ZFPM2: variants seen among roughly 807,000 people sequenced by gnomAD.
ZFPM2 encodes the protein zinc finger protein, FOG family member 2, also known as zinc finger protein ZFPM2.
In ZFPM2, 20 loss-of-function variants were observed where a neutral mutation model predicts 98.6. That is an observed-to-expected ratio of 0.20 (90% CI 0.14 to 0.29). The LOEUF is 0.29. Among genes scored for constraint, ZFPM2 ranks in the 10% least tolerant of loss-of-function variants. The pLI is 1.00. For synonymous variants in ZFPM2, 518 were observed against 502.7 expected, an observed-to-expected ratio of 1.03 and a Z score of -0.41; for missense variants, 1,310 against 1,388.6, an observed-to-expected ratio of 0.94 and a Z score of 0.90.
chr8:105,618,414 ATTG>A (rs1816464479), intron 4 of ZFPM2, among the ~76,000 whole-genome samples: 1 of 152,130 alleles, frequency 6.6e-6, no homozygotes, highest in Admixed American at 6.6e-5. Context: ...CTTTCATAGA[ATTG>A]TTGTAAAAAT....
intron 4 of ZFPM2, among the ~76,000 whole-genome samples, chr8:105,605,920 A>T (rs944477298): frequency 6.6e-6 from 1 of 152,020 alleles, no homozygotes; most frequent in African/African-American, 2.4e-5. Flanking sequence ...ATCCTCTTCC[A>T]TCTGATGTTG....
At chr8:105,491,985 C>A (rs993769178) in intron 3 of ZFPM2, among the ~76,000 whole-genome samples, 63 of 152,090 alleles carry the variant, frequency 4.1e-4, no homozygotes, top group African/African-American at 1.4e-3. Context: ...GAATTCCAAG[C>A]TCAATTGCAA....
intron 3 of ZFPM2, among the ~76,000 whole-genome samples, chr8:105,504,267 G>T (rs1813653210): frequency 1.3e-5 from 2 of 152,148 alleles, no homozygotes. Flanking sequence ...CAGAGAATAT[G>T]GTTGACTGAG....
At chr8:105,588,378 A>G (rs1005053326) in intron 4 of ZFPM2, among the ~76,000 whole-genome samples, 5 of 152,184 alleles carry the variant, frequency 3.3e-5, no homozygotes, top group Admixed American at 3.3e-4. Flanking sequence ...TGCTTGGATG[A>G]CACAGAGAAT....
intron 3 of ZFPM2, among the ~76,000 whole-genome samples, chr8:105,475,684 G>C (rs1159272727): frequency 6.6e-6 from 1 of 152,114 alleles, no homozygotes; most frequent in Admixed American, 6.6e-5. Context: ...AAGTCTTTAG[G>C]GAATGGTTTT....
intron 5 of ZFPM2, among the ~76,000 whole-genome samples, chr8:105,781,854 T>TGAA (rs1381172224): frequency 6.6e-6 from 1 of 152,238 alleles, no homozygotes; most frequent in African/African-American, 2.4e-5. Context: ...CTTCATAAAT[T>TGAA]GAACCACCGT....
chr8:105,355,956 G>C (rs1401174367), intron 1 of ZFPM2, among the ~76,000 whole-genome samples: 1 of 152,110 alleles, frequency 6.6e-6, no homozygotes, highest in African/African-American at 2.4e-5. Context: ...TATAATACTG[G>C]GAAAAGATAA....
chr8:105,788,584 G>T, intron 5 of ZFPM2, 134 bp from the exon 6 acceptor site: 2 of 813,664 alleles, frequency 2.5e-6, no homozygotes, highest in Admixed American at 2.2e-5. Flanking sequence ...CACAGCTGTT[G>T]CCTTGATCAA....
chr8:105,348,308 G>A (rs1812577587), intron 1 of ZFPM2, among the ~76,000 whole-genome samples: 1 of 152,184 alleles, frequency 6.6e-6, no homozygotes, highest in Non-Finnish European at 1.5e-5. Flanking sequence ...AAGAAGCAGA[G>A]ACTTACAATC....
intron 3 of ZFPM2, among the ~76,000 whole-genome samples, chr8:105,488,132 C>A (rs920391853): frequency 3.3e-5 from 5 of 152,030 alleles, no homozygotes; most frequent in African/African-American, 9.7e-5. Flanking sequence ...CATAATCAAT[C>A]GAAGTTCACA....
intron 5 of ZFPM2, among the ~76,000 whole-genome samples, chr8:105,694,152 ATT>A: frequency 6.6e-6 from 1 of 150,864 alleles, no homozygotes; most frequent in South Asian, 2.1e-4. Context: ...ACGCCGGCTA[ATT>A]TTTTTGTATT....
chr8:105,328,130 C>T (rs1812149114), intron 1 of ZFPM2, among the ~76,000 whole-genome samples: 1 of 151,634 alleles, frequency 6.6e-6, no homozygotes, highest in Admixed American at 6.6e-5. Context: ...GTTATATAGC[C>T]CATACTTACA....
chr8:105,392,814 C>T (rs1811134890), intron 1 of ZFPM2, among the ~76,000 whole-genome samples: 1 of 152,164 alleles, frequency 6.6e-6, no homozygotes, highest in Non-Finnish European at 1.5e-5. Context: ...AACTTCATTT[C>T]TTAATCTATA....
At chr8:105,464,146 T>A (rs145778202) in intron 3 of ZFPM2, among the ~76,000 whole-genome samples, 124 of 152,124 alleles carry the variant, frequency 8.2e-4, no homozygotes, top group Non-Finnish European at 1.3e-3. Flanking sequence ...CTATTTTCAA[T>A]TGGCTGTATA....
rs56160245 is a variant in ZFPM2 at position 105,546,425 on chromosome 8, C to T, written c.302-14938C>T. 4.1e-3 allele frequency among the ~76,000 whole-genome samples: 625 copies of T among 151,702 alleles called. 5 individuals carry two copies. The highest frequency in any genetic ancestry group is 0.03 in the East Asian group (157 of 5,148). On this transcript the variant is annotated intron_variant, in intron 3 of 7. Transcript: ENST00000407775. The stretch of plus-strand genomic sequence containing the variant: ...AACACCGTAAAAATACAAAATTAGA[C>T]GGGCGTGGTGGTGCATGCCTGTAAT...
chr8:105,358,474 T>G (rs1812791597), intron 1 of ZFPM2: 1 of 152,274 alleles, frequency 6.6e-6, no homozygotes, highest in Non-Finnish European at 1.5e-5. Flanking sequence ...GAGACAATGA[T>G]GGCAGTGCTA....
At chr8:105,616,226 C>CATA (rs1288086052) in intron 4 of ZFPM2, among the ~76,000 whole-genome samples, 1 of 151,984 alleles carries the variant, frequency 6.6e-6, no homozygotes, top group Non-Finnish European at 1.5e-5. Flanking sequence ...CTAGTGAAAA[C>CATA]AATACATAAA....
chr8:105,456,269 T>G (rs2130279093), intron 3 of ZFPM2, among the ~76,000 whole-genome samples: 1 of 151,672 alleles, frequency 6.6e-6, no homozygotes, highest in South Asian at 2.1e-4. Flanking sequence ...CATTCAGATA[T>G]TAGTGATTTT....
intron 5 of ZFPM2, among the ~76,000 whole-genome samples, chr8:105,706,661 C>A (rs1029112059): frequency 5.3e-5 from 8 of 152,160 alleles, no homozygotes; most frequent in African/African-American, 1.9e-4. Flanking sequence ...CTCACTGCAA[C>A]CTCCGCCTCC....
Sources: allele counts gnomAD v4.1 joint callset (sites outside exome capture counted in the v4.1 genomes callset), GRCh38; gene constraint gnomAD v4.1.1; transcripts MANE v1.5; gene names NCBI Gene and HGNC (gene_info 2026-07-23, HGNC 2026-07-21).